Variants in CCDC7 observed in about 807,000 individuals in gnomAD.
CCDC7 encodes the protein coiled-coil domain-containing protein 7.
Under a neutral mutation model 196.9 loss-of-function variants are expected in CCDC7, and 183 were observed. That is an observed-to-expected ratio of 0.93 (90% CI 0.82 to 1.05). CCDC7 has a LOEUF of 1.05. CCDC7 is among the 50% of genes least tolerant of loss of function. The probability of loss-of-function intolerance (pLI) is 0.00; values close to 1 mark genes in which losing one functional copy is unlikely to be tolerated. For synonymous variants in CCDC7, 525 were observed against 484.6 expected (o/e 1.08, Z -1.10); for missense variants, 1,540 against 1,482.2 (o/e 1.04, Z -0.64).
At chr10:32,825,828 C>T (rs1270587545) in intron 32 of CCDC7, among the ~76,000 whole-genome samples, 2 of 152,094 alleles carry the variant, frequency 1.3e-5, no homozygotes, top group African/African-American at 2.4e-5. Flanking sequence ...CACAGCCTCG[C>T]CAGGTGTCTA....
intron 32 of CCDC7, among the ~76,000 whole-genome samples, chr10:32,830,810 G>A (rs2092088828): frequency 1.3e-5 from 2 of 152,100 alleles, no homozygotes; most frequent in Non-Finnish European, 2.9e-5. Context: ...AATTATGGCT[G>A]AAATTTTGAA....
At chr10:32,668,955 A>G (rs1006477539) in intron 21 of CCDC7, among the ~76,000 whole-genome samples, 2 of 152,094 alleles carry the variant, frequency 1.3e-5, no homozygotes, top group Non-Finnish European at 2.9e-5. Context: ...GGTAAGAATA[A>G]GCATCCTTGT....
chr10:32,811,855 A>G lies in CCDC7; in HGVS notation c.3098-2515A>G, dbSNP rs529918953. Among the ~76,000 whole-genome samples the G allele has an allele frequency of 1.3e-4, 20 of 152,186 alleles. 1 individual carries two copies. Among genetic ancestry groups the G allele is most frequent in the Non-Finnish European group, 2.1e-4 (14 of 67,986 alleles). ...AGCAAACCAAATTCAACAACATATCAGGAAGATAATGCACTGTGATCAAGT... is the reference window on the plus strand; with the variant it reads ...AGCAAACCAAATTCAACAACATATCGGGAAGATAATGCACTGTGATCAAGT... On this transcript the variant is annotated intron_variant, in intron 30 of 41. Transcript: ENST00000639629.
At chr10:32,477,021 T>C (rs1221281527) in intron 8 of CCDC7, among the ~76,000 whole-genome samples, 2 of 152,036 alleles carry the variant, frequency 1.3e-5, no homozygotes, top group African/African-American at 4.8e-5. Context: ...TTCATTCTTT[T>C]AGCAGTGTCT....
At chr10:32,708,344 G>C (rs1216011704) in intron 24 of CCDC7, among the ~76,000 whole-genome samples, 8 of 152,282 alleles carry the variant, frequency 5.3e-5, no homozygotes, top group Admixed American at 4.6e-4. Flanking sequence ...AGACTTAAAT[G>C]TTAGACCTAA....
At chr10:32,824,797 AAAAGTTATCCATAAAAGTC>A (rs1167321519) in intron 32 of CCDC7, among the ~76,000 whole-genome samples, 193 bp downstream of exon 33, 1 of 152,212 alleles carries the variant, frequency 6.6e-6, no homozygotes, top group Admixed American at 6.5e-5. Flanking sequence ...CATTTATTTA[AAAAGTTATCCATAAAAGTC>A]TAATGCTATA....
chr10:32,817,784 T>C (rs2089113791), intron 31 of CCDC7, among the ~76,000 whole-genome samples: 1 of 152,050 alleles, frequency 6.6e-6, no homozygotes, highest in South Asian at 2.1e-4. Context: ...GACAAGCAAA[T>C]GTTGAGAGAT....
intron 8 of CCDC7, among the ~76,000 whole-genome samples, chr10:32,489,212 C>G (rs2041777578): frequency 6.6e-6 from 1 of 152,156 alleles, no homozygotes; most frequent in Non-Finnish European, 1.5e-5. Flanking sequence ...TATGGATTGA[C>G]AGTGGCTTTG....
At chr10:32,816,776 C>G (rs2088693774) in intron 31 of CCDC7, among the ~76,000 whole-genome samples, 1 of 152,274 alleles carries the variant, frequency 6.6e-6, no homozygotes, top group East Asian at 1.9e-4. Flanking sequence ...GCTGAGGGTC[C>G]TGACTATTAG....
At chr10:32,710,651 A>G (rs150028785) in intron 24 of CCDC7, among the ~76,000 whole-genome samples, 37 of 152,316 alleles carry the variant, frequency 2.4e-4, no homozygotes, top group African/African-American at 7.9e-4. Flanking sequence ...AGAGTGCACC[A>G]TGGGACAGTC....
At chr10:32,596,172 T>C (rs1341285491) in intron 18 of CCDC7, among the ~76,000 whole-genome samples, 1 of 150,762 alleles carries the variant, frequency 6.6e-6, no homozygotes, top group Non-Finnish European at 1.5e-5. Context: ...TATTGCGTGG[T>C]CTCTTTTTAG....
intron 28 of CCDC7, among the ~76,000 whole-genome samples, chr10:32,776,552 A>G (rs1327027687): frequency 1.3e-5 from 2 of 152,174 alleles, no homozygotes; most frequent in Non-Finnish European, 2.9e-5. Flanking sequence ...TATACTTAAT[A>G]ACTATGTGGC....
intron 21 of CCDC7, among the ~76,000 whole-genome samples, chr10:32,680,812 G>C (rs2075755625): frequency 6.6e-6 from 1 of 152,254 alleles, no homozygotes; most frequent in Non-Finnish European, 1.5e-5. Context: ...CTTAGCAGAG[G>C]TCCTTGGGTA....
At chr10:32,606,090 T>C (rs1197107698) in intron 18 of CCDC7, among the ~76,000 whole-genome samples, 1 of 151,836 alleles carries the variant, frequency 6.6e-6, no homozygotes, top group Non-Finnish European at 1.5e-5. Context: ...TCTTTGTATC[T>C]GGGCTGCTTC....
intron 29 of CCDC7, among the ~76,000 whole-genome samples, chr10:32,791,267 A>G (rs1415942595): frequency 2.0e-5 from 3 of 152,144 alleles, no homozygotes; most frequent in Admixed American, 6.5e-5. Context: ...AAGCCACTCT[A>G]TAAGTTTGGA....
chr10:32,631,097 T>C (rs1021492601), intron 18 of CCDC7, among the ~76,000 whole-genome samples: 1 of 152,170 alleles, frequency 6.6e-6, no homozygotes, highest in Non-Finnish European at 1.5e-5. Flanking sequence ...GAGGCAGACA[T>C]GTGAGTGAAT....
intron 29 of CCDC7, among the ~76,000 whole-genome samples, chr10:32,790,780 G>A (rs2082573317): frequency 6.6e-6 from 1 of 152,162 alleles, no homozygotes; most frequent in Non-Finnish European, 1.5e-5. Flanking sequence ...CTCAGAGTCA[G>A]AGTCCTCAGT....
At chr10:32,532,078 T>C (rs1202738426) in intron 11 of CCDC7, among the ~76,000 whole-genome samples, 1 of 152,132 alleles carries the variant, frequency 6.6e-6, no homozygotes, top group African/African-American at 2.4e-5. Flanking sequence ...CTTCTACTTA[T>C]TTTGGGTTTG....
intron 13 of CCDC7, among the ~76,000 whole-genome samples, chr10:32,545,107 G>A (rs2052196268): frequency 6.6e-6 from 1 of 152,150 alleles, no homozygotes; most frequent in African/African-American, 2.4e-5. Context: ...TTGTCTAGAA[G>A]CTAAAGACTT....
Sources: gnomAD v4.1 joint callset for allele counts (sites outside exome capture counted in the v4.1 genomes callset) on GRCh38, gnomAD v4.1.1 for gene constraint, MANE v1.5 for transcripts, NCBI Gene and HGNC (gene_info 2026-07-23, HGNC 2026-07-21) for gene names.